The following ZNF710 variants were observed in gnomAD, a reference collection of about 807,000 sequenced individuals.
ZNF710 encodes the protein zinc finger protein 710.
A neutral mutation model predicts 50.6 loss-of-function variants in ZNF710; 13 were observed. The observed-to-expected ratio is 0.26, with a 90% CI of 0.17 to 0.41. The LOEUF is 0.41. Ranked by LOEUF, ZNF710 falls within the 10% of genes least tolerant of loss-of-function variation. The pLI is 1.00. For synonymous variants in ZNF710, 383 were observed against 397.0 expected (o/e 0.96, Z 0.42); for missense variants, 721 against 936.6 (o/e 0.77, Z 3.01).
rs117711777 is a variant in ZNF710 at position 90,079,704 on chromosome 15, G to C, written c.1870G>C (p.Gly624Arg). Residue 624 changes from glycine to arginine, a missense_variant, in exon 5 of 5, where the codon GGC (glycine) becomes CGC (arginine). Coordinates refer to ENST00000268154, the MANE Select transcript of ZNF710 (RefSeq NM_198526.4). ...LTGTDPSELD[G>R]QQEMEDFEEN... Reference sequence around the variant, plus strand: ...AGGCACTGACCCTTCAGAGCTCGACGGCCAGCAGGAGATGGAGGACTTCGA... The same window carrying C: ...AGGCACTGACCCTTCAGAGCTCGACCGCCAGCAGGAGATGGAGGACTTCGA... The C allele has an allele frequency of 7.4e-6, 12 of 1,613,796 alleles. No individual in the cohort carries two copies. In the Admixed American group the frequency reaches 2.0e-4, roughly 27 times the overall value.
chr15:90,057,077 C>G (rs142224345), intron 1 of ZNF710, among the ~76,000 whole-genome samples: 1 of 152,182 alleles, frequency 6.6e-6, no homozygotes, highest in Non-Finnish European at 1.5e-5. Flanking sequence ...TCACTCTACC[C>G]CATGGCGCTC....
chr15:90,035,328 G>A (rs575124712), intron 1 of ZNF710, among the ~76,000 whole-genome samples: 79 of 152,308 alleles, frequency 5.2e-4, no homozygotes, highest in African/African-American at 1.4e-3. Flanking sequence ...TTGGCCGTCC[G>A]GCTCCTGCAG....
intron 1 of ZNF710, among the ~76,000 whole-genome samples, chr15:90,004,327 G>A (rs1050396137): frequency 6.6e-6 from 1 of 152,158 alleles, no homozygotes; most frequent in Non-Finnish European, 1.5e-5. Flanking sequence ...CTTTCTAGAA[G>A]GGAGTAAATA....
At chr15:90,017,925 T>G (rs1898499087) in intron 1 of ZNF710, among the ~76,000 whole-genome samples, 1 of 152,192 alleles carries the variant, frequency 6.6e-6, no homozygotes, top group East Asian at 1.9e-4. Context: ...ATTAAGGCCA[T>G]GCCCTATGGA....
rs546042963 is a variant in ZNF710 at position 90,067,848 on chromosome 15, G to A, written c.711G>A (p.Pro237=). ...SDPEAPSMES[P]EPVKPEQGFV... is the part of the protein sequence containing the mutation. ...CCGAGGCCCCCAGCATGGAGTCCCC[G>A]GAGCCTGTCAAGCCGGAACAGGGCT... The change falls in exon 2 of 5, where the codon CCG becomes CCA. Residue 237 remains proline, a synonymous_variant. Transcript: ENST00000268154. This position sits in a 1 kb window ranked among gnomAD's most constrained non-coding sequence, Gnocchi z 8.1. 1.7e-4 allele frequency: 280 copies of A among 1,600,856 alleles called. 3 individuals carry two copies. In the South Asian group the frequency reaches 1.9e-3, roughly 11 times the overall value.
chr15:90,076,674 G>C (rs1490484529), intron 4 of ZNF710: 1 of 150,722 alleles, frequency 6.6e-6, no homozygotes, highest in Non-Finnish European at 1.5e-5. Flanking sequence ...CTGGGAGGCA[G>C]AGGTTGCAGT....
intron 1 of ZNF710, among the ~76,000 whole-genome samples, chr15:90,001,997 G>GA (rs1898025235): frequency 1.4e-5 from 2 of 145,980 alleles, no homozygotes; most frequent in African/African-American, 5.2e-5. Context: ...GAGAGAGAGA[G>GA]GCAAAAATGA....
chr15:90,059,673 T>G lies in ZNF710; in HGVS notation c.-28-7437T>G, dbSNP rs1899942164. 6.6e-6 allele frequency among the ~76,000 whole-genome samples: 1 copy of G among 152,222 alleles called. No homozygotes were observed. Among genetic ancestry groups the G allele is most frequent in the Non-Finnish European group, 1.5e-5 (1 of 68,022 alleles). ...GGCAGCTCCCTGGGCCTCTGGCTCC[T>G]GAGGCCTGTGGGCTGGGCAGAAGTG... is the stretch of plus-strand genomic sequence containing the variant. On this transcript the variant is annotated intron_variant, in intron 1 of 4. Transcript: ENST00000268154. The surrounding 1 kb of genome is among the most constrained non-coding windows in gnomAD (Gnocchi z 4.1).
intron 1 of ZNF710, among the ~76,000 whole-genome samples, chr15:90,066,695 A>C (rs948166094): frequency 5.9e-5 from 9 of 152,056 alleles, no homozygotes; most frequent in African/African-American, 1.9e-4. Context: ...GGCTGGTCTC[A>C]AACTCCTGCT....
chr15:90,029,210 G>A (rs781127371), intron 1 of ZNF710, among the ~76,000 whole-genome samples: 1 of 152,202 alleles, frequency 6.6e-6, no homozygotes, highest in Non-Finnish European at 1.5e-5. Context: ...CCTCTCAGAG[G>A]ACTTTGACCC....
At chr15:90,021,201 G>C (rs1398253489) in intron 1 of ZNF710, among the ~76,000 whole-genome samples, 1 of 152,238 alleles carries the variant, frequency 6.6e-6, no homozygotes, top group African/African-American at 2.4e-5. Flanking sequence ...CAGAAACACA[G>C]AGCTGCTCTT....
intron 1 of ZNF710, among the ~76,000 whole-genome samples, chr15:90,035,808 C>G (rs760801644): frequency 2.6e-5 from 4 of 152,194 alleles, no homozygotes; most frequent in East Asian, 1.9e-4. Context: ...TTTTCAGGAC[C>G]AGGTGTAAAA....
chr15:90,067,834 A>G lies in ZNF710; in HGVS notation c.697A>G (p.Ser233Gly), dbSNP rs146740925. 153 of 1,591,990 alleles carry G rather than the reference A, an allele frequency of 9.6e-5. No homozygotes were observed. In the African/African-American group the frequency reaches 1.8e-3, roughly 19 times the overall value. Residue 233 changes from serine to glycine, a missense_variant, in exon 2 of 5, where the codon AGC becomes GGC. This residue lies in a region of ZNF710 where 326 missense variants were observed against 347.1 expected (regional missense o/e 0.94). Transcript: ENST00000268154. This position sits in a 1 kb window ranked among gnomAD's most constrained non-coding sequence, Gnocchi z 8.1. Reference protein sequence around the residue: ...LAPLSDPEAPSMESPEPVKPE... With the variant: ...LAPLSDPEAPGMESPEPVKPE... The stretch of plus-strand genomic sequence containing the variant: ...CCCCCTGAGTGACCCCGAGGCCCCC[A>G]GCATGGAGTCCCCGGAGCCTGTCAA...
intron 1 of ZNF710, among the ~76,000 whole-genome samples, chr15:90,009,225 A>G (rs1898233947): frequency 6.6e-6 from 1 of 152,036 alleles, no homozygotes; most frequent in African/African-American, 2.4e-5. Context: ...GTAAAAGACA[A>G]CGGCTAAAAC....
At chr15:90,001,742 T>G (rs1238358433) in intron 1 of ZNF710, 128 bp downstream of exon 1, 1 of 143,100 alleles carries the variant, frequency 7.0e-6, no homozygotes, top group East Asian at 2.1e-4. Context: ...GCCCCCCGCC[T>G]CTCCCTGGGG....
At chr15:90,064,809 G>A (rs1900116842) in intron 1 of ZNF710, among the ~76,000 whole-genome samples, 1 of 152,150 alleles carries the variant, frequency 6.6e-6, no homozygotes, top group Non-Finnish European at 1.5e-5. Context: ...CTTTACAGTT[G>A]GTTAGGGCCT....
intron 1 of ZNF710, among the ~76,000 whole-genome samples, chr15:90,055,480 T>G (rs2151512394): frequency 6.6e-6 from 1 of 152,266 alleles, no homozygotes; most frequent in South Asian, 2.1e-4. Flanking sequence ...CTGGAGGCCC[T>G]TGGTGAGATG....
At chr15:90,010,938 T>G (rs1416380362) in intron 1 of ZNF710, among the ~76,000 whole-genome samples, 10 of 144,922 alleles carry the variant, frequency 6.9e-5, no homozygotes, top group South Asian at 2.2e-4. Flanking sequence ...GTTTTTTTTT[T>G]TTTTTTTTTT....
rs942806312 is a variant in ZNF710 at position 90,027,727 on chromosome 15, C to T, written c.-29+26113C>T. Among the ~76,000 whole-genome samples, 8 of 151,708 alleles carry T rather than the reference C, an allele frequency of 5.3e-5. No homozygotes were observed. In the East Asian group the frequency reaches 1.6e-3, roughly 30 times the overall value. On this transcript the variant is annotated intron_variant, in intron 1 of 4. Coordinates refer to ENST00000268154, the MANE Select transcript of ZNF710 (RefSeq NM_198526.4). The stretch of plus-strand genomic sequence containing the variant: ...ATTAGCTGGATGTGGTGGTGTGTGC[C>T]TATAGTCCCAGCTGCTCGGAAGGCT...
Sources: allele counts gnomAD v4.1 joint callset (sites outside exome capture counted in the v4.1 genomes callset), GRCh38; gene constraint gnomAD v4.1.1; regional missense constraint gnomAD v4.1.1; non-coding constraint Gnocchi (gnomAD v3.1); transcripts MANE v1.5; gene names NCBI Gene and HGNC (gene_info 2026-07-23, HGNC 2026-07-21).